The following TRAP1 variants were observed in gnomAD, a reference collection of about 807,000 sequenced individuals.
The protein encoded by TRAP1 is heat shock protein 75 kDa, mitochondrial.
In TRAP1, 102 loss-of-function variants were observed where a neutral mutation model predicts 89.1. The observed-to-expected ratio is 1.15, with a 90% confidence interval of 0.98 to 1.35. The LOEUF (loss-of-function observed/expected upper bound fraction) is 1.35, where lower values mean the gene tolerates loss of function less well. Ranked by LOEUF, TRAP1 falls within the 40% of genes most tolerant of loss-of-function variation. The pLI is 0.00. For synonymous variants in TRAP1, 508 were observed against 388.0 expected (o/e 1.31, Z -3.64); for missense variants, 1,256 against 945.3 (o/e 1.33, Z -4.31).
At chr16:3,675,456 T>A (rs2050977044) in intron 7 of TRAP1, 59 bp from the exon 8 acceptor site, 1 of 1,548,288 alleles carries the variant, frequency 6.5e-7, no homozygotes. Context: ...AACGCAAGCT[T>A]TGCAGCAGCT....
At position 3,658,865 on chromosome 16, in the gene TRAP1, C is replaced by G; in HGVS notation, c.1941G>C (p.Arg647Ser). Reference sequence around the variant, plus strand: ...GATTCAGCTTCTTGATGAGCGCGTGCCTGCAACACAGAACCCACCAGAAAA... The same window carrying G: ...GATTCAGCTTCTTGATGAGCGCGTGGCTGCAACACAGAACCCACCAGAAAA... ...LLQPTLEINPRHALIKKLNQL... is the reference protein window; with the variant it reads ...LLQPTLEINPSHALIKKLNQL... Residue 647 changes from arginine to serine, a missense_variant and splice_region_variant, in exon 17 of 18, where the codon AGG (arginine) becomes AGC (serine). Arg to Ser is a moderately radical substitution (Grantham distance 110). Coordinates refer to ENST00000246957, the MANE Select transcript of TRAP1 (RefSeq NM_016292.3). The G allele has an allele frequency of 1.9e-6, 3 of 1,614,018 alleles. No individual in the cohort carries two copies. The highest frequency in any genetic ancestry group is 2.5e-6 in the Non-Finnish European group (3 of 1,179,996).
At chr16:3,696,381 C>T (rs907601055) in intron 1 of TRAP1, among the ~76,000 whole-genome samples, 3 of 152,122 alleles carry the variant, frequency 2.0e-5, no homozygotes, top group African/African-American at 2.4e-5. Context: ...AAATAACGAA[C>T]GACAATAATG....
chr16:3,713,053 C>T (rs945886421), intron 1 of TRAP1, among the ~76,000 whole-genome samples: 7 of 152,156 alleles, frequency 4.6e-5, no homozygotes, highest in South Asian at 2.1e-4. Context: ...CTTAATCAGA[C>T]GACAAACATG....
Position 3,662,885 on chromosome 16 carries a change from C to T in TRAP1, c.1791G>A (p.Val597=), listed in dbSNP as rs1355733231. Residue 597 remains valine, a synonymous_variant, in exon 15 of 18, where the codon GTG becomes GTA. Transcript: ENST00000246957. ...RNVLGSRVTN[V]KVTLRLDTHP... ...TCCATCCCCGGGAAAGCCTCACCTT[C>T]ACGTTGGTGACACGCGACCCCAGCA... 3 of 1,613,554 alleles carry T rather than the reference C, an allele frequency of 1.9e-6. No homozygotes were observed. The highest frequency in any genetic ancestry group is 1.7e-5 in the Admixed American group (1 of 60,010).
In TRAP1 at chr16:3,658,190, T is replaced by C. The variant is rs1417700739; in HGVS notation, c.2054A>G (p.Asp685Gly). Reference protein sequence around the residue: ...NAMIAAGLVDDPRAMVGRLNE... With the variant: ...NAMIAAGLVDGPRAMVGRLNE... ...CAAGCGGCCCACCATGGCCCTAGGG[T>C]CGTCAACAAGTCCAGCAGCAATCAT... Residue 685 changes from aspartate (D) to glycine (G), a missense_variant, in exon 18 of 18, where the codon GAC becomes GGC. By Grantham distance (94) the Asp-to-Gly change is moderately conservative. Transcript: ENST00000246957. 5 of 1,613,700 alleles carry C rather than the reference T, an allele frequency of 3.1e-6. No individual in the cohort carries two copies. Among genetic ancestry groups the C allele is most frequent in the Non-Finnish European group, 4.2e-6 (5 of 1,179,936 alleles).
At chr16:3,684,096 G>A (rs942772363) in intron 4 of TRAP1, among the ~76,000 whole-genome samples, 2 of 152,076 alleles carry the variant, frequency 1.3e-5, no homozygotes, top group Non-Finnish European at 2.9e-5. Flanking sequence ...AATCCGGGGG[G>A]CAGAGGCCTC....
chr16:3,703,043 GAAAAAAAA>G (rs36093237), intron 1 of TRAP1, among the ~76,000 whole-genome samples: 1 of 43,500 alleles, frequency 2.3e-5, no homozygotes, highest in African/African-American at 9.1e-5. Context: ...ACTCCGTCTT[GAAAAAAAA>G]AAAAAAAAAA....
intron 12 of TRAP1, chr16:3,665,357 C>T (rs542129175): frequency 6.5e-6 from 1 of 152,688 alleles, no homozygotes; most frequent in East Asian, 1.9e-4. Flanking sequence ...GCAGCCACAC[C>T]ACACTGTGAA....
At chr16:3,681,806 T>C (rs1202256163) in intron 4 of TRAP1, among the ~76,000 whole-genome samples, 1 of 152,238 alleles carries the variant, frequency 6.6e-6, no homozygotes, top group Non-Finnish European at 1.5e-5. Flanking sequence ...CAAACTGATC[T>C]GCACTGCAAT....
At chr16:3,679,677 C>T in intron 5 of TRAP1, 42 bp downstream of exon 5, 2 of 1,609,900 alleles carry the variant, frequency 1.2e-6, no homozygotes, top group Non-Finnish European at 1.7e-6. Context: ...ATCCTTGCAC[C>T]CTGAGGGGAA....
chr16:3,679,550 C>T (rs1434616349), intron 5 of TRAP1, among the ~76,000 whole-genome samples, 169 bp downstream of exon 5: 1 of 152,112 alleles, frequency 6.6e-6, no homozygotes, highest in East Asian at 1.9e-4. Context: ...GGACCAACCC[C>T]CAGATACTGA....
intron 4 of TRAP1, among the ~76,000 whole-genome samples, chr16:3,683,340 T>C (rs972415156): frequency 2.6e-5 from 4 of 151,638 alleles, no homozygotes; most frequent in Non-Finnish European, 4.4e-5. Context: ...AAGAATAATA[T>C]ATCCATACCG....
chr16:3,690,810 G>C lies in TRAP1; in HGVS notation c.247+17C>G. 7.3e-7 allele frequency: 1 copy of C among 1,378,710 alleles called. No individual in the cohort carries two copies. The highest frequency in any genetic ancestry group is 9.5e-7 in the Non-Finnish European group (1 of 1,053,582). 85.4% of individuals were successfully genotyped at this position (1,378,710 alleles called of 1,614,324 possible). The stretch of plus-strand genomic sequence containing the variant: ...AACCAAAAAGCCCTCCCAGACCAAA[G>C]CACGAGCCAAGGCTACCCTGCACGC... On this transcript the variant is annotated intron_variant, in intron 2 of 17. Transcript: ENST00000246957.
intron 1 of TRAP1, among the ~76,000 whole-genome samples, chr16:3,713,085 C>G (rs2051553139): frequency 6.6e-6 from 1 of 152,130 alleles, no homozygotes; most frequent in Non-Finnish European, 1.5e-5. Context: ...ACACCTCTAG[C>G]GTCATCTCAG....
At chr16:3,669,763 G>A (rs938047215) in intron 11 of TRAP1, among the ~76,000 whole-genome samples, 2 of 148,544 alleles carry the variant, frequency 1.3e-5, no homozygotes, top group Non-Finnish European at 1.5e-5. Flanking sequence ...AACCCGGGAG[G>A]CGGAGCTTGC....
chr16:3,711,757 C>G (rs1307557508), intron 1 of TRAP1, among the ~76,000 whole-genome samples: 4 of 152,080 alleles, frequency 2.6e-5, no homozygotes, highest in Non-Finnish European at 5.9e-5. Flanking sequence ...AAATAAACTC[C>G]CTGAAATCTA....
intron 1 of TRAP1, among the ~76,000 whole-genome samples, chr16:3,712,447 T>C (rs914217573): frequency 7.2e-5 from 11 of 151,964 alleles, no homozygotes; most frequent in Non-Finnish European, 1.2e-4. Context: ...TTTCCCACAG[T>C]TTTCTTATCA....
At chr16:3,658,260 AGG>A in intron 17 of TRAP1, 30 bp from the exon 18 acceptor site, 1 of 1,540,926 alleles carries the variant, frequency 6.5e-7, no homozygotes, top group Non-Finnish European at 8.9e-7. Flanking sequence ...ACCCATTATG[AGG>A]GGCATGGGGC....
intron 11 of TRAP1, among the ~76,000 whole-genome samples, chr16:3,667,887 T>A (rs974134875): frequency 6.8e-6 from 1 of 147,078 alleles, no homozygotes; most frequent in African/African-American, 2.5e-5. Context: ...GCCTCCCAAG[T>A]AGCTGGGATT....
Sources: gnomAD v4.1 joint callset for allele counts (sites outside exome capture counted in the v4.1 genomes callset) on GRCh38, gnomAD v4.1.1 for gene constraint, MANE v1.5 for transcripts, NCBI Gene and HGNC (gene_info 2026-07-23, HGNC 2026-07-21) for gene names.